Variants in PIEZO2 observed in about 807,000 individuals in gnomAD.
The protein encoded by PIEZO2 is piezo type mechanosensitive ion channel component 2.
PIEZO2 carries 172 observed loss-of-function variants against 337.3 expected under a neutral mutation model. The ratio of observed to expected loss-of-function variants is 0.51; its 90% CI spans 0.45 to 0.58. The LOEUF (loss-of-function observed/expected upper bound fraction) is 0.58, where lower values mean the gene tolerates loss of function less well. Among genes scored for constraint, PIEZO2 ranks in the 20% least tolerant of loss-of-function variants. The pLI is 0.00. For synonymous variants in PIEZO2, 1,251 were observed against 1,228.5 expected, an observed-to-expected ratio of 1.02 and a Z score of -0.38; for missense variants, 3,028 against 3,391.3, an observed-to-expected ratio of 0.89 and a Z score of 2.66.
At position 10,888,634 on chromosome 18, in the gene PIEZO2, G is replaced by A. The variant is rs764807642; in HGVS notation, c.330-17219C>T. Among the ~76,000 whole-genome samples the A allele has an allele frequency of 6.6e-6, 1 of 151,886 alleles. No homozygotes were observed. The highest frequency in any genetic ancestry group is 1.5e-5 in the Non-Finnish European group (1 of 67,972). On this transcript the variant is annotated intron_variant, in intron 4 of 55. Transcript: ENST00000674853. The surrounding 1 kb of genome is among the most constrained non-coding windows in gnomAD (Gnocchi z 4.1). ...GTATCTGTGTTTTTAAAACCCACGT[G>A]TTCATTCTGGTACTTTCAACTTGAG...
chr18:10,954,802 A>T lies in PIEZO2; in HGVS notation c.286+24733T>A, dbSNP rs2033447989. Among the ~76,000 whole-genome samples, 1 of 152,238 alleles carries T rather than the reference A, an allele frequency of 6.6e-6. No individual in the cohort carries two copies. The highest frequency in any genetic ancestry group is 6.5e-5 in the Admixed American group (1 of 15,290). ...AGAAGCATCTGACGCTAAAGAGAAC[A>T]GAGAACTCAGAATGCAAGGCCTTCT... On this transcript the variant is annotated intron_variant, in intron 3 of 55. Coordinates refer to ENST00000674853, the MANE Select transcript of PIEZO2 (RefSeq NM_001378183.1). The surrounding 1 kb of genome is among the most constrained non-coding windows in gnomAD (Gnocchi z 4.2).
rs1405611699 is a variant in PIEZO2 at position 10,973,105 on chromosome 18, G to C, written c.286+6430C>G. The stretch of plus-strand genomic sequence containing the variant: ...AAAAATATTTGTCAGGATAAAATGA[G>C]ATATTCTATTTGAAAACTGCTGCAT... On this transcript the variant is annotated intron_variant, in intron 3 of 55. Coordinates refer to ENST00000674853, the MANE Select transcript of PIEZO2 (RefSeq NM_001378183.1). This position sits in a 1 kb window ranked among gnomAD's most constrained non-coding sequence, Gnocchi z 4.9. Among the ~76,000 whole-genome samples the C allele has an allele frequency of 6.6e-6, 1 of 152,126 alleles. No individual in the cohort carries two copies. The highest frequency in any genetic ancestry group is 6.5e-5 in the Admixed American group (1 of 15,274).
intron 3 of PIEZO2, among the ~76,000 whole-genome samples, chr18:10,937,614 A>G (rs188130513): frequency 6.6e-6 from 1 of 152,318 alleles, no homozygotes; most frequent in Admixed American, 6.5e-5. Context: ...AACAGACCCT[A>G]TATTAAAACA....
At chr18:10,816,216 T>C (rs1318353315) in intron 7 of PIEZO2, among the ~76,000 whole-genome samples, 1 of 152,176 alleles carries the variant, frequency 6.6e-6, no homozygotes, top group African/African-American at 2.4e-5. Context: ...GTGACTGACA[T>C]TTTGGTGAAC....
At chr18:10,990,993 G>A (rs1251077416) in intron 2 of PIEZO2, among the ~76,000 whole-genome samples, 5 of 150,310 alleles carry the variant, frequency 3.3e-5, no homozygotes. Flanking sequence ...ATATTTATCT[G>A]GTTTGGTATT....
At chr18:10,935,196 T>C (rs186813163) in intron 3 of PIEZO2, among the ~76,000 whole-genome samples, 8 of 152,344 alleles carry the variant, frequency 5.3e-5, no homozygotes, top group Non-Finnish European at 2.9e-5. Context: ...GGTTTTCTTC[T>C]TGGGGAAAGT....
chr18:10,832,586 T>C (rs1426741573), intron 7 of PIEZO2, among the ~76,000 whole-genome samples: 2 of 152,194 alleles, frequency 1.3e-5, no homozygotes, highest in Non-Finnish European at 2.9e-5. Flanking sequence ...AGGGGTACTT[T>C]GTCTACTTTA....
rs1300180029 is a variant in PIEZO2 at position 11,148,454 on chromosome 18, G to A, written c.64+71C>T. 3 of 1,490,812 alleles carry A rather than the reference G, an allele frequency of 2.0e-6. No individual in the cohort carries two copies. The highest frequency in any genetic ancestry group is 2.7e-6 in the Non-Finnish European group (3 of 1,105,446). 92.3% of individuals were successfully genotyped at this position (1,490,812 alleles called of 1,614,324 possible). A position where few individuals can be genotyped will look rare whatever the true frequency, so the allele number is the denominator to read the frequency against. On this transcript the variant is annotated intron_variant, in intron 1 of 55. Transcript: ENST00000674853. This position sits in a 1 kb window ranked among gnomAD's most constrained non-coding sequence, Gnocchi z 5.2. Reference sequence around the variant, plus strand: ...CCAGAGCACCAGAGCCCTTCACTTTGTTAAGAAGTCCCCCACCCAGGCGCC... The same window carrying A: ...CCAGAGCACCAGAGCCCTTCACTTTATTAAGAAGTCCCCCACCCAGGCGCC...
rs1256825164 is a variant in PIEZO2, at chr18:10,945,633, C to G, written c.286+33902G>C. ...CACCCAACAAGGTAAAATTCACAAG[C>G]TAGGTATCCAATAAAAAATGACCAC... On this transcript the variant is annotated intron_variant, in intron 3 of 55. Transcript: ENST00000674853. The surrounding 1 kb of genome is among the most constrained non-coding windows in gnomAD (Gnocchi z 4.0). Among the ~76,000 whole-genome samples, 1 of 152,016 alleles carries G rather than the reference C, an allele frequency of 6.6e-6. No homozygotes were observed. Among genetic ancestry groups the G allele is most frequent in the African/African-American group, 2.4e-5 (1 of 41,394 alleles).
At position 10,712,250 on chromosome 18, in the gene PIEZO2, A is replaced by C. The variant is rs141800444; in HGVS notation, c.5423+2514T>G. ...CACCCACCCTGCTGCACAAACCTGC[A>C]GGCTTTCACAGACTTGCCCATGCAG... is the stretch of plus-strand genomic sequence containing the variant. On this transcript the variant is annotated intron_variant, in intron 39 of 55. Transcript: ENST00000674853. 8.1e-3 allele frequency among the ~76,000 whole-genome samples: 1,228 copies of C among 152,328 alleles called. 18 individuals are homozygous for C. The highest frequency in any genetic ancestry group is 0.028 in the African/African-American group (1,153 of 41,584).
intron 1 of PIEZO2, among the ~76,000 whole-genome samples, chr18:11,145,394 TAGC>T (rs2040784754): frequency 6.6e-6 from 1 of 152,146 alleles, no homozygotes; most frequent in South Asian, 2.1e-4. Context: ...TTAAACACAA[TAGC>T]AGTTAATTTT....
At position 11,127,803 on chromosome 18, in the gene PIEZO2, A is replaced by ATGTGTGCG; in HGVS notation, c.64+20721_64+20722insCGCACACA. Among the ~76,000 whole-genome samples, 1 of 146,830 alleles carries ATGTGTGCG rather than the reference A, an allele frequency of 6.8e-6. No individual in the cohort carries two copies. The highest frequency in any genetic ancestry group is 2.5e-5 in the African/African-American group (1 of 39,584). On this transcript the variant is annotated intron_variant, in intron 1 of 55. Transcript: ENST00000674853. This position sits in a 1 kb window ranked among gnomAD's most constrained non-coding sequence, Gnocchi z 4.5. The stretch of plus-strand genomic sequence containing the variant: ...TGCATATACGTGTGTGTGTGTGTGC[A>ATGTGTGCG]TGTGTGTGTGTGTGTGTGTGTGTAT...
chr18:10,762,218 C>T (rs149644088), intron 23 of PIEZO2, among the ~76,000 whole-genome samples: 314 of 152,336 alleles, frequency 2.1e-3, no homozygotes, highest in African/African-American at 7.2e-3. Flanking sequence ...CTAATGCACC[C>T]ATCGACCTTA....
chr18:10,922,429 G>A (rs953179955), intron 3 of PIEZO2, among the ~76,000 whole-genome samples: 10 of 152,268 alleles, frequency 6.6e-5, no homozygotes, highest in Admixed American at 2.6e-4. Context: ...CAGACAAAGA[G>A]ATGAGGTGAG....
Position 10,982,477 on chromosome 18 carries a change from T to G in PIEZO2, c.161-2817A>C, listed in dbSNP as rs565669073. Among the ~76,000 whole-genome samples the G allele has an allele frequency of 2.6e-5, 4 of 152,328 alleles. No individual in the cohort carries two copies. In the East Asian group the frequency reaches 7.7e-4, roughly 29 times the overall value. On this transcript the variant is annotated intron_variant, in intron 2 of 55. Coordinates refer to ENST00000674853, the MANE Select transcript of PIEZO2 (RefSeq NM_001378183.1). This position sits in a 1 kb window ranked among gnomAD's most constrained non-coding sequence, Gnocchi z 4.1. ...TAAAAATGTCAATTTCCCCAAAATTTAGTCTAAAAATTCAGTACAGTTTAA... is the reference window on the plus strand; with the variant it reads ...TAAAAATGTCAATTTCCCCAAAATTGAGTCTAAAAATTCAGTACAGTTTAA...
At chr18:10,825,717 A>G (rs2040654936) in intron 7 of PIEZO2, among the ~76,000 whole-genome samples, 1 of 151,454 alleles carries the variant, frequency 6.6e-6, no homozygotes, top group Non-Finnish European at 1.5e-5. Flanking sequence ...TGCCAGGCTA[A>G]TTTTTGTATT....
rs1043491527 is a variant in PIEZO2 at position 10,707,001 on chromosome 18, G to A, written c.5589-1255C>T. 4.6e-5 allele frequency among the ~76,000 whole-genome samples: 7 copies of A among 152,212 alleles called. No homozygotes were observed. The highest frequency in any genetic ancestry group is 3.9e-4 in the East Asian group (2 of 5,188). On this transcript the variant is annotated intron_variant, in intron 40 of 55. Coordinates refer to ENST00000674853, the MANE Select transcript of PIEZO2 (RefSeq NM_001378183.1). The surrounding 1 kb of genome is among the most constrained non-coding windows in gnomAD (Gnocchi z 4.2). ...AATGAACCTTGGCAGAGCGGCTCACGGCATCCTGTGACTGAAGAACCAGAT... is the reference window on the plus strand; with the variant it reads ...AATGAACCTTGGCAGAGCGGCTCACAGCATCCTGTGACTGAAGAACCAGAT...
chr18:10,997,357 A>G (rs1363452943), intron 2 of PIEZO2, among the ~76,000 whole-genome samples: 1 of 152,224 alleles, frequency 6.6e-6, no homozygotes, highest in Admixed American at 6.5e-5. Flanking sequence ...CAAGGATATA[A>G]TCCCAAATTA....
intron 31 of PIEZO2, among the ~76,000 whole-genome samples, chr18:10,743,244 T>C (rs879792820): frequency 1.3e-5 from 2 of 152,162 alleles, no homozygotes; most frequent in South Asian, 2.1e-4. Context: ...CTAAGAAATA[T>C]TTCTGCTTGG....
Sources: gnomAD v4.1 joint callset for allele counts (sites outside exome capture counted in the v4.1 genomes callset) on GRCh38, gnomAD v4.1.1 for gene constraint, Gnocchi (gnomAD v3.1) non-coding constraint, MANE v1.5 for transcripts, NCBI Gene and HGNC (gene_info 2026-07-23, HGNC 2026-07-21) for gene names.